Variants in GNG7 observed in about 807,000 individuals in gnomAD.
The protein encoded by GNG7 is guanine nucleotide-binding protein G(I)/G(S)/G(O) subunit gamma-7.
GNG7 carries 1 observed loss-of-function variant against 4.0 expected under a neutral mutation model. That is an observed-to-expected ratio of 0.25 (90% CI 0.09 to 1.18). The LOEUF (loss-of-function observed/expected upper bound fraction) is 1.18. Among genes scored for constraint, GNG7 ranks in the 50% most tolerant of loss-of-function variants. The pLI, the probability that GNG7 is intolerant of heterozygous loss-of-function variation, is 0.50. For synonymous variants in GNG7, 34 were observed against 36.9 expected, an observed-to-expected ratio of 0.92 and a Z score of 0.29; for missense variants, 86 against 91.9, an observed-to-expected ratio of 0.94 and a Z score of 0.26.
At chr19:2,537,566 A>G (rs955728544) in intron 3 of GNG7, among the ~76,000 whole-genome samples, 1 of 152,186 alleles carries the variant, frequency 6.6e-6, no homozygotes, top group African/African-American at 2.4e-5. Flanking sequence ...AGAATATAGA[A>G]TAGGGTCATA....
intron 2 of GNG7, among the ~76,000 whole-genome samples, chr19:2,627,417 C>T (rs1433182024): frequency 4.6e-5 from 7 of 152,166 alleles, no homozygotes; most frequent in Non-Finnish European, 1.0e-4. Context: ...GCCCTGTGGC[C>T]GCCTCTCCTC....
rs539778435 is a variant in GNG7, at chr19:2,618,209, T to C, written c.-78+28015A>G. ...CGACGGGTTGGCCTTCCATCTACTC[T>C]TCCACTCACCAGCTTCTCCATCTTG... On this transcript the variant is annotated intron_variant, in intron 2 of 4. Coordinates refer to ENST00000382159, the MANE Select transcript of GNG7 (RefSeq NM_052847.3). This position sits in a 1 kb window ranked among gnomAD's most constrained non-coding sequence, Gnocchi z 5.1. 6.6e-6 allele frequency among the ~76,000 whole-genome samples: 1 copy of C among 152,266 alleles called. No homozygotes were observed. Among genetic ancestry groups the C allele is most frequent in the Non-Finnish European group, 1.5e-5 (1 of 68,012 alleles).
intron 1 of GNG7, among the ~76,000 whole-genome samples, chr19:2,657,347 AAAAAAAAAAAAAAAAT>A (rs1485741000): frequency 4.6e-3 from 86 of 18,698 alleles, no homozygotes; most frequent in South Asian, 0.039. Context: ...TAAAAAAAAA[AAAAAAAAAAAAAAAAT>A]ATATATATAT....
rs534201539 is a variant in GNG7 at position 2,572,958 on chromosome 19, T to A, written c.-77-17770A>T. On this transcript the variant is annotated intron_variant, in intron 2 of 4. Coordinates refer to ENST00000382159, the MANE Select transcript of GNG7 (RefSeq NM_052847.3). ...CCGTCCGCATTAGCAGTCACCCCCG[T>A]CTCCTCCAACCACACATCCATGCAT... Among the ~76,000 whole-genome samples the A allele has an allele frequency of 1.0e-4, 15 of 150,714 alleles. No homozygotes were observed. In the East Asian group the frequency reaches 2.9e-3, roughly 29 times the overall value.
chr19:2,603,474 C>A (rs1981278133), intron 2 of GNG7, among the ~76,000 whole-genome samples: 1 of 152,178 alleles, frequency 6.6e-6, no homozygotes, highest in African/African-American at 2.4e-5. Flanking sequence ...CCGGTGAGAC[C>A]GCGGTGGCTC....
At chr19:2,687,558 G>A (rs1332995874) in intron 1 of GNG7, among the ~76,000 whole-genome samples, 2 of 152,148 alleles carry the variant, frequency 1.3e-5, no homozygotes, top group African/African-American at 4.8e-5. Flanking sequence ...AGAGGTTGCG[G>A]TGAGCCGAGA....
intron 2 of GNG7, among the ~76,000 whole-genome samples, chr19:2,604,319 T>C (rs993178998): frequency 2.0e-5 from 3 of 150,536 alleles, no homozygotes; most frequent in Admixed American, 1.3e-4. Flanking sequence ...AAAATAAAAA[T>C]AAATTAGCCG....
chr19:2,517,736 T>C (rs905828458), intron 4 of GNG7, among the ~76,000 whole-genome samples: 1 of 152,204 alleles, frequency 6.6e-6, no homozygotes, highest in Non-Finnish European at 1.5e-5. Flanking sequence ...GGTCTCGAAC[T>C]CCTAGGCTCA....
At chr19:2,530,137 G>A (rs898639652) in intron 3 of GNG7, among the ~76,000 whole-genome samples, 1 of 152,282 alleles carries the variant, frequency 6.6e-6, no homozygotes, top group Admixed American at 6.5e-5. Flanking sequence ...ACAGGGCCGG[G>A]TGCGGCGGCT....
At chr19:2,683,004 G>A (rs997639756) in intron 1 of GNG7, among the ~76,000 whole-genome samples, 7 of 151,884 alleles carry the variant, frequency 4.6e-5, no homozygotes, top group South Asian at 2.1e-4. Context: ...AGTCCGAGGC[G>A]GGCAGATCAC....
intron 3 of GNG7, among the ~76,000 whole-genome samples, chr19:2,535,044 G>C (rs974281470): frequency 2.0e-5 from 3 of 152,212 alleles, no homozygotes; most frequent in African/African-American, 7.2e-5. Flanking sequence ...GACCAGTCAA[G>C]TTAACACATA....
At chr19:2,689,622 CAAAAAAAAAAAAAAAA>C (rs58020172) in intron 1 of GNG7, among the ~76,000 whole-genome samples, 1 of 37,952 alleles carries the variant, frequency 2.6e-5, no homozygotes, top group African/African-American at 1.0e-4. Context: ...GACTCCAACT[CAAAAAAAAAAAAAAAA>C]AAAAAAAAAA....
At chr19:2,547,683 A>G (rs9304895) in intron 3 of GNG7, among the ~76,000 whole-genome samples, 102,806 of 152,082 alleles carry the variant, frequency 0.68, 35,402 homozygotes, top group East Asian at 0.9. Flanking sequence ...CATCCCAGAC[A>G]CTGGGTACCA....
intron 2 of GNG7, among the ~76,000 whole-genome samples, chr19:2,603,447 T>C (rs1319102564): frequency 1.3e-5 from 2 of 152,246 alleles, no homozygotes; most frequent in African/African-American, 4.8e-5. Context: ...GCTTCTCGCA[T>C]CGGGTGGGAC....
At chr19:2,674,094 T>C (rs1272328793) in intron 1 of GNG7, among the ~76,000 whole-genome samples, 1 of 152,084 alleles carries the variant, frequency 6.6e-6, no homozygotes, top group Non-Finnish European at 1.5e-5. Context: ...TGAAACCCCA[T>C]CTCCACTAAA....
intron 3 of GNG7, among the ~76,000 whole-genome samples, chr19:2,522,591 G>A (rs931628830): frequency 1.3e-5 from 2 of 151,400 alleles, no homozygotes; most frequent in East Asian, 2.0e-4. Flanking sequence ...TGGCTAACAC[G>A]GTGAAACCCC....
Position 2,513,553 on chromosome 19 carries a change from G to T in GNG7, c.*1469C>A, listed in dbSNP as rs1045360615. The T allele has an allele frequency of 1.0e-5, 10 of 985,540 alleles. No individual in the cohort carries two copies. Among genetic ancestry groups the T allele is most frequent in the African/African-American group, 1.7e-5 (1 of 57,360 alleles). 61.0% of individuals were successfully genotyped at this position (985,540 alleles called of 1,614,324 possible). A position where few individuals can be genotyped will look rare whatever the true frequency, so the allele number is the denominator to read the frequency against. ...ATGACATCTTCGATTTCCACTTGCC[G>T]CTGGGAGGAGTGGCCCATCCTGCGT... On this transcript the variant is annotated 3_prime_UTR_variant, in exon 5 of 5. Transcript: ENST00000382159.
At chr19:2,594,436 AAGGAAGGAAGG>A (rs1279892516) in intron 2 of GNG7, among the ~76,000 whole-genome samples, 222 of 129,494 alleles carry the variant, frequency 1.7e-3, no homozygotes, top group Middle Eastern at 0.015. Flanking sequence ...GGAAGGAAGG[AAGGAAGGAAGG>A]AGGAAGAAAG....
chr19:2,531,433 G>T (rs1239507046), intron 3 of GNG7, among the ~76,000 whole-genome samples: 1 of 151,966 alleles, frequency 6.6e-6, no homozygotes, highest in Non-Finnish European at 1.5e-5. Context: ...GAGATTGCTG[G>T]TGGCCCCAAA....
Sources: allele counts gnomAD v4.1 joint callset (sites outside exome capture counted in the v4.1 genomes callset), GRCh38; gene constraint gnomAD v4.1.1; non-coding constraint Gnocchi (gnomAD v3.1); transcripts MANE v1.5; gene names NCBI Gene and HGNC (gene_info 2026-07-23, HGNC 2026-07-21).